Variants in SPMIP2 observed in about 807,000 individuals in gnomAD.
The protein encoded by SPMIP2 is protein SPMIP2.
At chr4:158,947,781 TCTAA>T in the SPMIP2 span, among the ~76,000 whole-genome samples, 1 of 152,110 alleles carries the variant, frequency 6.6e-6, no homozygotes, top group South Asian at 2.1e-4. Context: ...ATGTGTAATA[TCTAA>T]CTAATAAAAT....
the SPMIP2 span, among the ~76,000 whole-genome samples, chr4:158,896,503 G>A: frequency 3.4e-3 from 516 of 152,250 alleles, no homozygotes; most frequent in Middle Eastern, 0.02. Context: ...TACATTTGGG[G>A]AACTGCCCCC....
the SPMIP2 span, among the ~76,000 whole-genome samples, chr4:158,947,832 C>G: frequency 6.6e-6 from 1 of 152,022 alleles, no homozygotes; most frequent in Admixed American, 6.5e-5. Context: ...TCAATTTTTT[C>G]ATCATTATTT....
chr4:158,943,940 C>T, the SPMIP2 span, among the ~76,000 whole-genome samples: 69 of 148,972 alleles, frequency 4.6e-4, no homozygotes, highest in African/African-American at 1.7e-3. Context: ...ACCGCAACCT[C>T]CACCTCCTGG....
chr4:158,973,302 T>C, the SPMIP2 span: 2 of 1,603,452 alleles, frequency 1.2e-6, no homozygotes, highest in African/African-American at 1.3e-5. Flanking sequence ...ATCCTTTATG[T>C]AGTCTGGACC....
the SPMIP2 span, chr4:158,893,520 AGACT>A: frequency 3.6e-6 from 2 of 553,394 alleles, no homozygotes; most frequent in African/African-American, 1.9e-5. Flanking sequence ...ATGGTTGCAA[AGACT>A]GACAACACCT....
At chr4:159,048,503 T>C in the SPMIP2 span, among the ~76,000 whole-genome samples, 7 of 152,058 alleles carry the variant, frequency 4.6e-5, no homozygotes, top group African/African-American at 1.2e-4. Flanking sequence ...AGCCTTTCCA[T>C]AGGCATTTCT....
the SPMIP2 span, among the ~76,000 whole-genome samples, chr4:158,943,858 C>CTTTCTTTTTTT: frequency 2.8e-4 from 29 of 101,908 alleles, no homozygotes; most frequent in African/African-American, 1.1e-3. Flanking sequence ...TTGACATTTT[C>CTTTCTTTTTTT]TTTTTTTTTT....
the SPMIP2 span, chr4:158,904,713 C>A: frequency 1.7e-6 from 1 of 604,814 alleles, no homozygotes; most frequent in Non-Finnish European, 2.9e-6. Flanking sequence ...TCATTGAAGA[C>A]TTAGGTTTAC....
At chr4:159,043,779 A>C in the SPMIP2 span, among the ~76,000 whole-genome samples, 1 of 152,226 alleles carries the variant, frequency 6.6e-6, no homozygotes, top group Admixed American at 6.5e-5. Context: ...CAGCTTCCTG[A>C]GACTAAGCAC....
the SPMIP2 span, among the ~76,000 whole-genome samples, chr4:158,957,310 T>C: frequency 0.26 from 39,459 of 152,196 alleles, 6,045 homozygotes; most frequent in East Asian, 0.33. Context: ...CTCATCTCAC[T>C]ACTCTCCCCA....
the SPMIP2 span, among the ~76,000 whole-genome samples, chr4:159,061,051 C>T: frequency 6.7e-6 from 1 of 149,076 alleles, no homozygotes; most frequent in African/African-American, 2.5e-5. Flanking sequence ...CACCACTGCA[C>T]TCTAGCCTGG....
chr4:158,935,492 T>A, the SPMIP2 span, among the ~76,000 whole-genome samples: 380 of 152,294 alleles, frequency 2.5e-3, 2 homozygotes, highest in African/African-American at 8.6e-3. Flanking sequence ...CGTCTTTGTG[T>A]CTTCAGCATC....
the SPMIP2 span, among the ~76,000 whole-genome samples, chr4:159,016,151 G>A: frequency 2.6e-5 from 4 of 151,984 alleles, no homozygotes; most frequent in African/African-American, 4.8e-5. Flanking sequence ...TGTGAAACAC[G>A]GGGATGGGAA....
At chr4:158,980,167 T>C in the SPMIP2 span, among the ~76,000 whole-genome samples, 6 of 148,970 alleles carry the variant, frequency 4.0e-5, no homozygotes, top group Non-Finnish European at 8.9e-5. Flanking sequence ...TCCTCTTCTC[T>C]GGGCAAGGCA....
the SPMIP2 span, among the ~76,000 whole-genome samples, chr4:159,024,983 C>G: frequency 6.6e-6 from 1 of 152,180 alleles, no homozygotes; most frequent in African/African-American, 2.4e-5. Flanking sequence ...CCATTAAATA[C>G]CCTATGAAGT....
the SPMIP2 span, among the ~76,000 whole-genome samples, chr4:158,988,756 A>G: frequency 6.6e-6 from 1 of 152,292 alleles, no homozygotes; most frequent in East Asian, 1.9e-4. Flanking sequence ...AGAGCTATTT[A>G]TGACAAACCC....
At chr4:159,058,064 T>C in the SPMIP2 span, among the ~76,000 whole-genome samples, 1 of 152,056 alleles carries the variant, frequency 6.6e-6, no homozygotes, top group African/African-American at 2.4e-5. Context: ...TTCACCATGT[T>C]GCCCAGGCTG....
At chr4:158,911,538 G>A in the SPMIP2 span, among the ~76,000 whole-genome samples, 1 of 149,240 alleles carries the variant, frequency 6.7e-6, no homozygotes, top group Non-Finnish European at 1.5e-5. Flanking sequence ...TGCCCTGTCT[G>A]TTCTTCCTAG....
At chr4:158,893,694 AT>A in the SPMIP2 span, 1 of 1,588,432 alleles carries the variant, frequency 6.3e-7, no homozygotes, top group Admixed American at 1.8e-5. Flanking sequence ...AGTTATGCTG[AT>A]TTAGAGGTTA....
Sources: allele counts gnomAD v4.1 joint callset (sites outside exome capture counted in the v4.1 genomes callset), GRCh38; gene constraint gnomAD v4.1.1; transcripts MANE v1.5; gene names NCBI Gene and HGNC (gene_info 2026-07-23, HGNC 2026-07-21).